Variants in ANKRD44 observed in about 807,000 individuals in gnomAD.
ANKRD44 encodes ankyrin repeat domain 44, also known as serine/threonine-protein phosphatase 6 regulatory ankyrin repeat subunit B.
ANKRD44 carries 35 observed loss-of-function variants against 116.0 expected under a neutral mutation model. The ratio of observed to expected loss-of-function variants is 0.30; its 90% CI spans 0.23 to 0.40. The LOEUF (loss-of-function observed/expected upper bound fraction) is 0.40. Among genes scored for constraint, ANKRD44 ranks in the 10% least tolerant of loss-of-function variants. The pLI is 1.00. For synonymous variants in ANKRD44, 435 were observed against 461.8 expected (o/e 0.94, Z 0.74); for missense variants, 1,014 against 1,242.6 (o/e 0.82, Z 2.77).
intron 2 of ANKRD44, among the ~76,000 whole-genome samples, chr2:197,174,749 C>T (rs2080324947): frequency 6.6e-6 from 1 of 152,170 alleles, no homozygotes; most frequent in Admixed American, 6.5e-5. Flanking sequence ...ATGATGAGCT[C>T]ATGGAGCTGA....
At chr2:197,037,145 C>A (rs990746393) in intron 16 of ANKRD44, among the ~76,000 whole-genome samples, 1 of 152,152 alleles carries the variant, frequency 6.6e-6, no homozygotes, top group Non-Finnish European at 1.5e-5. Flanking sequence ...TTCATATGAG[C>A]GGAGGTAGTG....
At chr2:197,140,851 A>T (rs1212390722) in intron 3 of ANKRD44, among the ~76,000 whole-genome samples, 2 of 152,106 alleles carry the variant, frequency 1.3e-5, no homozygotes, top group Non-Finnish European at 2.9e-5. Flanking sequence ...TATATGTCCA[A>T]ACTCATCAGG....
At chr2:197,159,793 C>A (rs538871701) in intron 2 of ANKRD44, among the ~76,000 whole-genome samples, 2 of 152,166 alleles carry the variant, frequency 1.3e-5, no homozygotes, top group African/African-American at 4.8e-5. Context: ...TTTTACAGGA[C>A]AGGAATTAAG....
chr2:197,138,833 T>C (rs1444728529), intron 3 of ANKRD44, among the ~76,000 whole-genome samples: 1 of 152,184 alleles, frequency 6.6e-6, no homozygotes, highest in Non-Finnish European at 1.5e-5. Context: ...TTATTTTTAT[T>C]ATAGTCTTTG....
intron 1 of ANKRD44, among the ~76,000 whole-genome samples, chr2:197,283,694 T>C (rs952970055): frequency 6.6e-6 from 1 of 152,052 alleles, no homozygotes; most frequent in Non-Finnish European, 1.5e-5. Context: ...AAGTTTAAGG[T>C]GGTAATGAAA....
intron 1 of ANKRD44, among the ~76,000 whole-genome samples, chr2:197,276,275 CAAAAAAAA>C (rs11351342): frequency 1.9e-5 from 2 of 108,064 alleles, no homozygotes; most frequent in African/African-American, 3.7e-5. Flanking sequence ...AACTTGGTCT[CAAAAAAAA>C]AAAAAAAAAA....
chr2:196,979,554 CTTTTTTTTTTTTT>C (rs71012942), intron 21 of ANKRD44, among the ~76,000 whole-genome samples: 6 of 59,644 alleles, frequency 1.0e-4, no homozygotes, highest in East Asian at 6.5e-4. Flanking sequence ...AATAAGATGA[CTTTTTTTTTTTTT>C]TTTTTTTTTT....
intron 16 of ANKRD44, among the ~76,000 whole-genome samples, chr2:197,063,443 G>T (rs1337067794): frequency 2.0e-5 from 3 of 152,204 alleles, no homozygotes; most frequent in African/African-American, 7.2e-5. Flanking sequence ...ACAGAACAAA[G>T]CTGGACGGAG....
At chr2:197,166,471 G>C (rs1328197704) in intron 2 of ANKRD44, among the ~76,000 whole-genome samples, 1 of 152,212 alleles carries the variant, frequency 6.6e-6, no homozygotes, top group African/African-American at 2.4e-5. Context: ...GGCACCAAAT[G>C]AAAGCGAGGA....
intron 1 of ANKRD44, among the ~76,000 whole-genome samples, chr2:197,246,146 CTG>C (rs1305428778): frequency 6.6e-6 from 1 of 152,064 alleles, no homozygotes; most frequent in Non-Finnish European, 1.5e-5. Flanking sequence ...CCATGAATGA[CTG>C]TGCCCTGCCT....
chr2:197,147,546 A>G (rs1050830712), intron 2 of ANKRD44, among the ~76,000 whole-genome samples: 1 of 152,132 alleles, frequency 6.6e-6, no homozygotes, highest in Admixed American at 6.5e-5. Context: ...AACATTAAAC[A>G]TAACTGTGGT....
intron 1 of ANKRD44, among the ~76,000 whole-genome samples, chr2:197,244,529 C>T (rs911797976): frequency 2.6e-5 from 4 of 152,138 alleles, no homozygotes; most frequent in Non-Finnish European, 4.4e-5. Context: ...GGTCACCAAC[C>T]ACATGTTGGG....
intron 21 of ANKRD44, among the ~76,000 whole-genome samples, chr2:197,004,382 A>G (rs1379011221): frequency 6.6e-6 from 1 of 152,234 alleles, no homozygotes; most frequent in African/African-American, 2.4e-5. Flanking sequence ...AGACATTCAT[A>G]TCATTAAACA....
chr2:197,253,866 A>G (rs2082377600), intron 1 of ANKRD44, among the ~76,000 whole-genome samples: 1 of 152,226 alleles, frequency 6.6e-6, no homozygotes, highest in Non-Finnish European at 1.5e-5. Context: ...ACTATTTACA[A>G]GCCCACTGAT....
intron 26 of ANKRD44, among the ~76,000 whole-genome samples, chr2:196,994,159 T>C (rs1045472645): frequency 2.0e-5 from 3 of 152,222 alleles, no homozygotes; most frequent in Non-Finnish European, 4.4e-5. Flanking sequence ...AAACTCAGTA[T>C]ATTGTGCTAT....
chr2:197,136,223 A>G, intron 4 of ANKRD44: 2 of 240,842 alleles, frequency 8.3e-6, no homozygotes, highest in South Asian at 5.4e-5. Flanking sequence ...ACCTTTAAGG[A>G]CCAGATCAAC....
At chr2:197,204,571 A>G (rs1428395470) in intron 1 of ANKRD44, among the ~76,000 whole-genome samples, 1 of 152,156 alleles carries the variant, frequency 6.6e-6, no homozygotes, top group Non-Finnish European at 1.5e-5. Context: ...TGTCCTGTCC[A>G]AAGATAAAAT....
chr2:197,171,358 G>A (rs2080229741), intron 2 of ANKRD44, among the ~76,000 whole-genome samples: 1 of 152,232 alleles, frequency 6.6e-6, no homozygotes, highest in South Asian at 2.1e-4. Context: ...CTCTCAAGTA[G>A]AGGGACAGAT....
chr2:197,271,005 C>T (rs943732905), intron 1 of ANKRD44, among the ~76,000 whole-genome samples: 4 of 152,228 alleles, frequency 2.6e-5, no homozygotes, highest in African/African-American at 9.6e-5. Flanking sequence ...GCAGACCGTG[C>T]AGCTGCCCAG....
Sources: gnomAD v4.1 joint callset for allele counts (sites outside exome capture counted in the v4.1 genomes callset) on GRCh38, gnomAD v4.1.1 for gene constraint, MANE v1.5 for transcripts, NCBI Gene and HGNC (gene_info 2026-07-23, HGNC 2026-07-21) for gene names.